Variants in TENM2 observed in about 807,000 individuals in gnomAD.
TENM2 encodes teneurin-2.
TENM2 carries 52 observed loss-of-function variants against 245.2 expected under a neutral mutation model. The observed-to-expected ratio is 0.21, with a 90% CI of 0.17 to 0.27. The LOEUF is 0.27. TENM2 is among the 10% of genes least tolerant of loss of function. The pLI is 1.00. For missense variants in TENM2, 3,046 were observed against 3,666.8 expected (o/e 0.83, Z 4.37); for synonymous variants, 1,363 against 1,438.9 (o/e 0.95, Z 1.19).
chr5:168,034,001 T>C (rs988193877), intron 5 of TENM2, among the ~76,000 whole-genome samples: 1 of 148,838 alleles, frequency 6.7e-6, no homozygotes, highest in Non-Finnish European at 1.5e-5. Context: ...CACTCCAGCC[T>C]GAGCAACAGA....
chr5:167,101,849 T>TTTTATATATA, the TENM2 span, among the ~76,000 whole-genome samples: 1 of 69,456 alleles, frequency 1.4e-5, no homozygotes, highest in African/African-American at 5.5e-5. Context: ...ATATATATAT[T>TTTTATATATA]TATATATATA....
chr5:167,012,877 G>C, the TENM2 span, among the ~76,000 whole-genome samples: 3 of 151,528 alleles, frequency 2.0e-5, no homozygotes, highest in Admixed American at 1.3e-4. Flanking sequence ...TTTTTTATTT[G>C]AATAAAGAAA....
At chr5:167,242,159 C>T in the TENM2 span, among the ~76,000 whole-genome samples, 1 of 151,258 alleles carries the variant, frequency 6.6e-6, no homozygotes, top group Admixed American at 6.6e-5. Flanking sequence ...AAGCGATTCT[C>T]CTGCCTCAGC....
chr5:168,119,020 G>A (rs1077046), intron 10 of TENM2, among the ~76,000 whole-genome samples: 65,710 of 151,994 alleles, frequency 0.43, 14,503 homozygotes, highest in Admixed American at 0.55. Context: ...TCTAAGGCCC[G>A]TGTATGTCTG....
intron 2 of TENM2, among the ~76,000 whole-genome samples, chr5:167,588,489 T>C (rs567623772): frequency 1.7e-4 from 26 of 152,384 alleles, no homozygotes; most frequent in Non-Finnish European, 3.1e-4. Flanking sequence ...CAATTAGCTT[T>C]CATCCAAATG....
intron 9 of TENM2, among the ~76,000 whole-genome samples, chr5:168,114,681 G>C (rs1425500418): frequency 6.6e-6 from 1 of 152,214 alleles, no homozygotes; most frequent in African/African-American, 2.4e-5. Flanking sequence ...CCTGTGATGA[G>C]CCGCCTTCCA....
chr5:168,226,258 T>C (rs1396015255), exon 24 of TENM2: 5 of 1,612,384 alleles, frequency 3.1e-6, no homozygotes, highest in Admixed American at 1.7e-5. Context: ...TACACAGTGG[T>C]ACAAGGTGAG....
At chr5:167,279,514 T>TTCCCTTCC in the TENM2 span, among the ~76,000 whole-genome samples, 2,565 of 98,278 alleles carry the variant, frequency 0.026, 113 homozygotes, top group African/African-American at 0.068. Flanking sequence ...CCTTCCTTCC[T>TTCCCTTCC]TTCCTTCCTT....
chr5:167,664,713 A>G (rs1490154336), intron 2 of TENM2, among the ~76,000 whole-genome samples: 1 of 152,232 alleles, frequency 6.6e-6, no homozygotes, highest in Non-Finnish European at 1.5e-5. Flanking sequence ...TAAAAAAGTC[A>G]TATGAGCTAA....
chr5:167,373,421 G>A (rs1760559441), intron 1 of TENM2, among the ~76,000 whole-genome samples: 1 of 152,202 alleles, frequency 6.6e-6, no homozygotes, highest in Non-Finnish European at 1.5e-5. Flanking sequence ...TATACGTAGA[G>A]TGGGTAAACT....
chr5:167,641,743 C>T (rs950678418), intron 2 of TENM2, among the ~76,000 whole-genome samples: 3 of 152,112 alleles, frequency 2.0e-5, no homozygotes, highest in Non-Finnish European at 4.4e-5. Context: ...TCAGCTTCCT[C>T]GTCAGTAAAA....
intron 2 of TENM2, among the ~76,000 whole-genome samples, chr5:167,632,415 A>G (rs1315198982): frequency 6.6e-6 from 1 of 152,232 alleles, no homozygotes; most frequent in Non-Finnish European, 1.5e-5. Flanking sequence ...TAAAATGCCA[A>G]AGTGACACTG....
the TENM2 span, among the ~76,000 whole-genome samples, chr5:167,264,882 A>G: frequency 6.6e-6 from 1 of 152,332 alleles, no homozygotes; most frequent in East Asian, 1.9e-4. Flanking sequence ...AGGCATCTGG[A>G]TGCCCAAGAT....
At chr5:168,260,489 G>A in intron 28 of TENM2, 76 bp downstream of exon 30, 1 of 1,554,028 alleles carries the variant, frequency 6.4e-7, no homozygotes, top group Non-Finnish European at 8.8e-7. Context: ...ATGGGAGCCA[G>A]GGGCATGTCA....
intron 10 of TENM2, among the ~76,000 whole-genome samples, chr5:168,119,557 A>C (rs1444781286): frequency 6.6e-6 from 1 of 152,208 alleles, no homozygotes; most frequent in African/African-American, 2.4e-5. Context: ...TCTGGTTGCC[A>C]TTTGATTACT....
chr5:167,952,531 G>C, intron 3 of TENM2, 57 bp from the exon 6 acceptor site: 1 of 1,415,992 alleles, frequency 7.1e-7, no homozygotes, highest in African/African-American at 1.4e-5. Context: ...GTGGTTTGCA[G>C]AGTGCCTGAG....
At chr5:167,721,931 A>C (rs1273954517) in intron 2 of TENM2, among the ~76,000 whole-genome samples, 1 of 152,214 alleles carries the variant, frequency 6.6e-6, no homozygotes, top group Non-Finnish European at 1.5e-5. Context: ...ATTAGCTGTT[A>C]CTTCTTTAGC....
the TENM2 span, among the ~76,000 whole-genome samples, chr5:167,075,427 G>A: frequency 5.3e-5 from 8 of 152,136 alleles, no homozygotes. Context: ...AAGGTGATTG[G>A]GAAAGTAGGT....
the TENM2 span, among the ~76,000 whole-genome samples, chr5:167,151,971 C>T: frequency 4.6e-5 from 7 of 152,314 alleles, no homozygotes; most frequent in Non-Finnish European, 7.4e-5. Context: ...GCACACACTA[C>T]GGCTTTTTCA....
Sources: allele counts gnomAD v4.1 joint callset (sites outside exome capture counted in the v4.1 genomes callset), GRCh38; gene constraint gnomAD v4.1.1; transcripts MANE v1.5; gene names NCBI Gene and HGNC (gene_info 2026-07-23, HGNC 2026-07-21).